The following BCKDHB variants were observed in gnomAD, a reference collection of about 807,000 sequenced individuals.
BCKDHB encodes the protein 2-oxoisovalerate dehydrogenase subunit beta, mitochondrial.
BCKDHB carries 41 observed loss-of-function variants against 48.5 expected under a neutral mutation model. The observed-to-expected ratio is 0.85, with a 90% CI of 0.66 to 1.10. BCKDHB has a LOEUF of 1.10. BCKDHB is among the 50% of genes least tolerant of loss of function. The probability of loss-of-function intolerance (pLI) is 0.00; values close to 1 mark genes in which losing one functional copy is unlikely to be tolerated. For missense variants in BCKDHB, 496 were observed against 494.2 expected (o/e 1.00, Z -0.03); for synonymous variants, 201 against 174.8 (o/e 1.15, Z -1.18).
At chr6:80,234,696 T>TA (rs945595920) in intron 8 of BCKDHB, among the ~76,000 whole-genome samples, 6 of 151,698 alleles carry the variant, frequency 4.0e-5, no homozygotes, top group South Asian at 4.2e-4. Flanking sequence ...CTGTGTATAC[T>TA]AAAAAAAAGA....
At chr6:80,279,541 CG>C (rs1201069539) in intron 9 of BCKDHB, among the ~76,000 whole-genome samples, 1 of 151,924 alleles carries the variant, frequency 6.6e-6, no homozygotes, top group Non-Finnish European at 1.5e-5. Flanking sequence ...CATCAAATTT[CG>C]TCCATTGTCT....
At chr6:80,310,777 T>G (rs1234712125) in intron 9 of BCKDHB, among the ~76,000 whole-genome samples, 1 of 152,206 alleles carries the variant, frequency 6.6e-6, no homozygotes, top group African/African-American at 2.4e-5. Context: ...TTTGATGTTT[T>G]AGTAGTAGCC....
At chr6:80,225,027 C>T (rs1479159118) in intron 8 of BCKDHB, among the ~76,000 whole-genome samples, 1 of 152,172 alleles carries the variant, frequency 6.6e-6, no homozygotes, top group African/African-American at 2.4e-5. Context: ...CCTATTGATT[C>T]TTATTCTTCC....
intron 3 of BCKDHB, among the ~76,000 whole-genome samples, chr6:80,134,433 G>A (rs1266711635): frequency 6.6e-6 from 1 of 152,104 alleles, no homozygotes; most frequent in Non-Finnish European, 1.5e-5. Flanking sequence ...ACAGGCATGC[G>A]GTGAAGGCAA....
intron 8 of BCKDHB, among the ~76,000 whole-genome samples, chr6:80,212,243 C>T (rs1033655133): frequency 1.3e-5 from 2 of 152,120 alleles, no homozygotes; most frequent in African/African-American, 4.8e-5. Flanking sequence ...GAGGGTACTG[C>T]AGGAGACCAG....
intron 3 of BCKDHB, among the ~76,000 whole-genome samples, chr6:80,132,430 C>T (rs1770677404): frequency 6.6e-6 from 1 of 152,124 alleles, no homozygotes; most frequent in Non-Finnish European, 1.5e-5. Context: ...AGTGAATTTA[C>T]CCTTTGCTCT....
chr6:80,170,549 A>C (rs535847220), intron 5 of BCKDHB, among the ~76,000 whole-genome samples: 2 of 152,284 alleles, frequency 1.3e-5, no homozygotes, highest in East Asian at 1.9e-4. Context: ...CTCAGTGTCT[A>C]TTTCTAAAAT....
At chr6:80,429,607 TC>T in the BCKDHB span, among the ~76,000 whole-genome samples, 1 of 152,190 alleles carries the variant, frequency 6.6e-6, no homozygotes, top group Admixed American at 6.6e-5. Context: ...TAAGTTGGAT[TC>T]CTAGGTATTT....
Position 80,310,998 on chromosome 6 carries a change from G to C in BCKDHB, c.1039-32666G>C, listed in dbSNP as rs866437059. Among the ~76,000 whole-genome samples, 75 of 152,146 alleles carry C rather than the reference G, an allele frequency of 4.9e-4. No individual in the cohort carries two copies. In the Middle Eastern group the frequency reaches 0.014, roughly 28 times the overall value. ...AGTTCCTTATAAATGCTGGATATTA[G>C]ACTTTTTTCAGATGGTGATATGGTT... On this transcript the variant is annotated intron_variant, in intron 9 of 9. Transcript: ENST00000320393.
intron 1 of BCKDHB, among the ~76,000 whole-genome samples, chr6:80,122,984 C>T (rs1023174789): frequency 1.0e-4 from 15 of 150,220 alleles, no homozygotes; most frequent in Admixed American, 6.0e-4. Flanking sequence ...CCCGGCCCCC[C>T]CAGGAATGCA....
In BCKDHB at chr6:80,151,431, TTG is replaced by T. The variant is rs1771772356; in HGVS notation, c.344-16245_344-16244del. On this transcript the variant is annotated intron_variant, in intron 3 of 9. Coordinates refer to ENST00000320393, the MANE Select transcript of BCKDHB (RefSeq NM_183050.4). ...TTTTTAAAACTAACTTTTTTTTTTT[TTG>T]TTTTTTTGTTTTTGGCCAAACATTA... Among the ~76,000 whole-genome samples the T allele has an allele frequency of 2.0e-5, 3 of 151,376 alleles. No individual in the cohort carries two copies. The East Asian group carries it at 5.8e-4, about 29-fold the overall frequency.
At chr6:80,396,012 A>G in the BCKDHB span, among the ~76,000 whole-genome samples, 7 of 152,216 alleles carry the variant, frequency 4.6e-5, no homozygotes, top group African/African-American at 1.7e-4. Flanking sequence ...CAGAGGATGT[A>G]TGGAAATGCC....
chr6:80,381,204 T>C, the BCKDHB span, among the ~76,000 whole-genome samples: 12 of 152,012 alleles, frequency 7.9e-5, no homozygotes, highest in Admixed American at 2.6e-4. Context: ...CATTTTTTTT[T>C]CTGAACAAAG....
chr6:80,112,282 G>A (rs1769450918), intron 1 of BCKDHB, among the ~76,000 whole-genome samples: 1 of 152,190 alleles, frequency 6.6e-6, no homozygotes, highest in South Asian at 2.1e-4. Context: ...GGGTAATCCA[G>A]TGAAGGCTGT....
chr6:80,263,559 A>G lies in BCKDHB; in HGVS notation c.952-9576A>G, dbSNP rs115346970. Reference sequence around the variant, plus strand: ...TTTAAGCCTTGCCCATGTATTATGAACTACACATAATTTTTGCTTCACAAT... The same window carrying G: ...TTTAAGCCTTGCCCATGTATTATGAGCTACACATAATTTTTGCTTCACAAT... On this transcript the variant is annotated intron_variant, in intron 8 of 9. Transcript: ENST00000320393. Among the ~76,000 whole-genome samples the G allele has an allele frequency of 3.6e-3, 551 of 152,304 alleles. 6 individuals are homozygous for G. Among genetic ancestry groups the G allele is most frequent in the African/African-American group, 0.013 (522 of 41,574 alleles).
Position 80,136,624 on chromosome 6 carries a change from A to G in BCKDHB, c.343+7395A>G, listed in dbSNP as rs928707812. 2.6e-5 allele frequency among the ~76,000 whole-genome samples: 4 copies of G among 152,132 alleles called. No individual in the cohort carries two copies. In the South Asian group the frequency reaches 6.2e-4, roughly 24 times the overall value. On this transcript the variant is annotated intron_variant, in intron 3 of 9. Transcript: ENST00000320393. The stretch of plus-strand genomic sequence containing the variant: ...AAATTGGACTGCATCGAAATTAAAA[A>G]TATGTACTTTGAAGGACACTATTAA...
the BCKDHB span, among the ~76,000 whole-genome samples, chr6:80,418,885 C>A: frequency 6.6e-6 from 1 of 152,158 alleles, no homozygotes; most frequent in African/African-American, 2.4e-5. Context: ...GGGGCCACTT[C>A]TGGTGATTGT....
intron 3 of BCKDHB, among the ~76,000 whole-genome samples, chr6:80,134,376 G>T (rs112206397): frequency 2.1e-4 from 32 of 152,126 alleles, no homozygotes; most frequent in African/African-American, 7.5e-4. Flanking sequence ...CACTGAAATT[G>T]TATAACCAGA....
the BCKDHB span, among the ~76,000 whole-genome samples, chr6:80,371,647 G>C: frequency 6.6e-6 from 1 of 152,020 alleles, no homozygotes; most frequent in Non-Finnish European, 1.5e-5. Context: ...TCCATCTTAA[G>C]TTGATTTTTG....
Sources: gnomAD v4.1 joint callset for allele counts (sites outside exome capture counted in the v4.1 genomes callset) on GRCh38, gnomAD v4.1.1 for gene constraint, MANE v1.5 for transcripts, NCBI Gene and HGNC (gene_info 2026-07-23, HGNC 2026-07-21) for gene names.